NAV3: variants seen among roughly 807,000 people sequenced by gnomAD.
NAV3 encodes neuron navigator 3.
NAV3 carries 87 observed loss-of-function variants against 244.7 expected under a neutral mutation model. The observed-to-expected ratio is 0.36, with a 90% CI of 0.30 to 0.42. The LOEUF is 0.42. Ranked by LOEUF, NAV3 falls within the 20% of genes least tolerant of loss-of-function variation. The pLI, the probability that NAV3 is intolerant of heterozygous loss-of-function variation, is 1.00. For missense variants in NAV3, 2,663 were observed against 2,893.3 expected, an observed-to-expected ratio of 0.92 and a Z score of 1.83; for synonymous variants, 1,126 against 1,042.2, an observed-to-expected ratio of 1.08 and a Z score of -1.55.
At chr12:78,202,915 G>A (rs1348959885) in intron 38 of NAV3, among the ~76,000 whole-genome samples, 1 of 152,078 alleles carries the variant, frequency 6.6e-6, no homozygotes, top group African/African-American at 2.4e-5. Flanking sequence ...ATCTTGGATT[G>A]GAGAAAGAAG....
intron 5 of NAV3, among the ~76,000 whole-genome samples, chr12:77,993,176 TGGGG>T (rs1328445874): frequency 6.6e-6 from 1 of 152,038 alleles, no homozygotes; most frequent in Non-Finnish European, 1.5e-5. Context: ...AATAATGAGG[TGGGG>T]GGACCAGTAA....
chr12:77,815,939 G>A (rs200955358), intron 2 of NAV3, among the ~76,000 whole-genome samples: 1 of 152,056 alleles, frequency 6.6e-6, no homozygotes, highest in East Asian at 1.9e-4. Context: ...CCAGAGGAGG[G>A]TTAGAAGTTG....
chr12:77,929,533 C>T (rs562553304), intron 1 of NAV3, among the ~76,000 whole-genome samples: 3 of 152,264 alleles, frequency 2.0e-5, no homozygotes, highest in South Asian at 2.1e-4. Flanking sequence ...GATTCTACTC[C>T]GTAAATACGG....
chr12:77,806,126 T>G (rs927493751), intron 2 of NAV3, among the ~76,000 whole-genome samples: 3 of 152,164 alleles, frequency 2.0e-5, no homozygotes, highest in Admixed American at 2.0e-4. Context: ...AGCTCCTGGG[T>G]TCATTGATTT....
intron 5 of NAV3, among the ~76,000 whole-genome samples, chr12:77,988,786 C>T (rs1242056842): frequency 2.0e-5 from 3 of 152,140 alleles, no homozygotes; most frequent in Non-Finnish European, 1.5e-5. Flanking sequence ...GCTGTGTCTA[C>T]ATGTCACCTG....
At position 77,659,880 on chromosome 12, in the gene NAV3, G is replaced by A. The variant is rs1407732523; in HGVS notation, c.72+87614G>A. Among the ~76,000 whole-genome samples the A allele has an allele frequency of 1.9e-4, 28 of 148,796 alleles. No homozygotes were observed. The East Asian group carries it at 5.3e-3, about 28-fold the overall frequency. On this transcript the variant is annotated intron_variant, in intron 2 of 8. Transcript: ENST00000550042. ...CAAGGACAAAAACCAAACACAGCATGTTCTCACTCATAGGTGGGAATTGAA... is the reference window on the plus strand; with the variant it reads ...CAAGGACAAAAACCAAACACAGCATATTCTCACTCATAGGTGGGAATTGAA...
At chr12:78,181,416 G>T (rs1269397335) in intron 30 of NAV3, among the ~76,000 whole-genome samples, 2 of 151,970 alleles carry the variant, frequency 1.3e-5, no homozygotes, top group African/African-American at 4.8e-5. Flanking sequence ...AGTGTAGCAG[G>T]CTTTATTTTC....
intron 5 of NAV3, among the ~76,000 whole-genome samples, chr12:77,987,774 A>G (rs1405072166): frequency 6.6e-6 from 1 of 152,218 alleles, no homozygotes; most frequent in African/African-American, 2.4e-5. Context: ...ACATATCGAG[A>G]TATTCAGAGA....
At chr12:77,940,126 TTGAAA>T in intron 1 of NAV3, 188 bp from the exon 2 acceptor site, 1 of 543,236 alleles carries the variant, frequency 1.8e-6, no homozygotes, top group Admixed American at 3.0e-5. Flanking sequence ...ATCATCCCCT[TTGAAA>T]TGAGAGATAA....
intron 11 of NAV3, among the ~76,000 whole-genome samples, chr12:78,056,506 A>G (rs1358083512): frequency 3.3e-5 from 5 of 152,214 alleles, no homozygotes; most frequent in African/African-American, 1.2e-4. Flanking sequence ...AGGCAGATAG[A>G]TCACCTTAAG....
At chr12:78,108,530 G>A (rs1343085388) in intron 12 of NAV3, among the ~76,000 whole-genome samples, 3 of 152,098 alleles carry the variant, frequency 2.0e-5, no homozygotes, top group Non-Finnish European at 1.5e-5. Context: ...ATGAAACAAT[G>A]TCCAAGATAG....
At chr12:77,898,198 C>G (rs745558486) in intron 1 of NAV3, among the ~76,000 whole-genome samples, 4 of 152,128 alleles carry the variant, frequency 2.6e-5, no homozygotes, top group Non-Finnish European at 4.4e-5. Context: ...TGATTTCCGT[C>G]CCAACCATCA....
chr12:77,773,258 A>G lies in NAV3; in HGVS notation c.73-167061A>G, dbSNP rs1003214960. ...TTTTTTTTTGGTTGGTCTAGTGATA[A>G]TTGTCACAGATAAAAAATGTATCGA... On this transcript the variant is annotated intron_variant, in intron 2 of 8. Transcript: ENST00000550042. 8.5e-5 allele frequency among the ~76,000 whole-genome samples: 13 copies of G among 152,186 alleles called. No homozygotes were observed. In the South Asian group the frequency reaches 1.0e-3, roughly 12 times the overall value.
intron 3 of NAV3, among the ~76,000 whole-genome samples, chr12:77,946,562 T>A (rs1890370123): frequency 6.6e-6 from 1 of 152,150 alleles, no homozygotes; most frequent in Non-Finnish European, 1.5e-5. Flanking sequence ...ACACTAAATT[T>A]AACCTTATCC....
intron 4 of NAV3, among the ~76,000 whole-genome samples, chr12:77,968,160 T>C (rs949087249): frequency 6.6e-6 from 1 of 152,308 alleles, no homozygotes; most frequent in Admixed American, 6.5e-5. Flanking sequence ...CAGCTGTGTA[T>C]ATTTGTGAGG....
chr12:77,728,775 C>T (rs1014979656), intron 2 of NAV3, among the ~76,000 whole-genome samples: 2 of 151,964 alleles, frequency 1.3e-5, no homozygotes, highest in South Asian at 2.1e-4. Flanking sequence ...TTGAACTACA[C>T]GGGTCCACTT....
chr12:77,642,870 T>C (rs922683517), intron 2 of NAV3, among the ~76,000 whole-genome samples: 1 of 152,146 alleles, frequency 6.6e-6, no homozygotes, highest in Non-Finnish European at 1.5e-5. Context: ...ATTATTAATA[T>C]GAAAGCTAAT....
chr12:77,822,714 C>T (rs1872796739), intron 2 of NAV3, among the ~76,000 whole-genome samples: 1 of 152,116 alleles, frequency 6.6e-6, no homozygotes, highest in African/African-American at 2.4e-5. Flanking sequence ...TAAATTTCCT[C>T]ATTAGTCCTG....
At chr12:77,664,360 T>C (rs1873617659) in intron 2 of NAV3, among the ~76,000 whole-genome samples, 1 of 152,214 alleles carries the variant, frequency 6.6e-6, no homozygotes, top group Non-Finnish European at 1.5e-5. Context: ...AATGTATTAT[T>C]AATTTTATTT....
Sources: allele counts gnomAD v4.1 joint callset (sites outside exome capture counted in the v4.1 genomes callset), GRCh38; gene constraint gnomAD v4.1.1; transcripts MANE v1.5; gene names NCBI Gene and HGNC (gene_info 2026-07-23, HGNC 2026-07-21).